Variants in SUV39H2 observed in about 807,000 individuals in gnomAD.
The protein encoded by SUV39H2 is SUV39H2 histone lysine methyltransferase.
A neutral mutation model predicts 47.5 loss-of-function variants in SUV39H2; 10 were observed. The observed-to-expected ratio is 0.21, with a 90% CI of 0.13 to 0.36. SUV39H2 has a LOEUF of 0.36. Among genes scored for constraint, SUV39H2 ranks in the 10% least tolerant of loss-of-function variants. The pLI, the probability that SUV39H2 is intolerant of heterozygous loss-of-function variation, is 1.00. For missense variants in SUV39H2, 266 were observed against 487.4 expected, an observed-to-expected ratio of 0.55 and a Z score of 4.28; for synonymous variants, 159 against 166.8, an observed-to-expected ratio of 0.95 and a Z score of 0.36.
intron 2 of SUV39H2, among the ~76,000 whole-genome samples, chr10:14,882,820 G>T (rs918158786): frequency 1.2e-4 from 18 of 151,014 alleles, no homozygotes; most frequent in African/African-American, 4.1e-4. Context: ...ACTTCCAGAG[G>T]TGTCACCATT....
intron 1 of SUV39H2, among the ~76,000 whole-genome samples, chr10:14,880,984 G>A (rs879382099): frequency 6.6e-6 from 1 of 151,990 alleles, no homozygotes; most frequent in East Asian, 1.9e-4. Flanking sequence ...GTTTGTAACC[G>A]TAGAAATATA....
intron 2 of SUV39H2, among the ~76,000 whole-genome samples, chr10:14,891,595 A>G (rs1176753818): frequency 5.3e-5 from 8 of 152,194 alleles, no homozygotes; most frequent in African/African-American, 7.2e-5. Context: ...AACTAACCCT[A>G]TAGAAATAGA....
In SUV39H2 at chr10:14,903,507, C is replaced by T. The variant is rs1834158454; in HGVS notation, c.*995C>T. 1 of 152,146 alleles carries T rather than the reference C, an allele frequency of 6.6e-6. No homozygotes were observed. The highest frequency in any genetic ancestry group is 2.1e-4 in the South Asian group (1 of 4,830). 9.4% of individuals were successfully genotyped at this position (152,146 alleles called of 1,614,324 possible). ...ATTTTTATACTTCCTGCAGGTTCTT[C>T]TTAAAAAGTAATCTATATTTTTGAA... On this transcript the variant is annotated 3_prime_UTR_variant, in exon 6 of 6. Transcript: ENST00000354919.
intron 1 of SUV39H2, 137 bp downstream of exon 1, chr10:14,879,056 G>A: frequency 1.5e-6 from 2 of 1,312,398 alleles, no homozygotes. Context: ...ACTCCGGGAC[G>A]CACGCTGCGG....
chr10:14,900,523 A>T (rs561337477), intron 4 of SUV39H2, among the ~76,000 whole-genome samples: 1 of 152,222 alleles, frequency 6.6e-6, no homozygotes, highest in African/African-American at 2.4e-5. Flanking sequence ...TTTTTTCTTA[A>T]TGATAAATTC....
At chr10:14,887,706 C>T (rs1034224369) in intron 2 of SUV39H2, among the ~76,000 whole-genome samples, 1 of 152,164 alleles carries the variant, frequency 6.6e-6, no homozygotes, top group Non-Finnish European at 1.5e-5. Flanking sequence ...TGAGCAATGA[C>T]TGATGTGAGG....
chr10:14,893,289 C>T (rs1172478980), intron 2 of SUV39H2, among the ~76,000 whole-genome samples: 1 of 152,070 alleles, frequency 6.6e-6, no homozygotes, highest in African/African-American at 2.4e-5. Context: ...AGGCGTGAGC[C>T]ACCGCGCCCG....
intron 3 of SUV39H2, chr10:14,898,141 C>G (rs900849282): frequency 1.6e-4 from 23 of 144,894 alleles, no homozygotes; most frequent in African/African-American, 5.9e-4. Flanking sequence ...ACATACTATT[C>G]TAAGCACTTG....
At chr10:14,880,418 C>T (rs1354831570) in intron 1 of SUV39H2, among the ~76,000 whole-genome samples, 2 of 152,186 alleles carry the variant, frequency 1.3e-5, no homozygotes, top group Non-Finnish European at 2.9e-5. Flanking sequence ...GGAGAGCTAC[C>T]AAGTAAAGCT....
chr10:14,879,049 C>G (rs1231103631), intron 1 of SUV39H2, 130 bp downstream of exon 1: 20 of 1,316,028 alleles, frequency 1.5e-5, no homozygotes, highest in Non-Finnish European at 1.9e-5. Flanking sequence ...GACCCCAACT[C>G]CGGGACGCAC....
intron 2 of SUV39H2, among the ~76,000 whole-genome samples, chr10:14,891,660 A>C (rs1371711117): frequency 6.6e-6 from 1 of 152,182 alleles, no homozygotes; most frequent in Non-Finnish European, 1.5e-5. Flanking sequence ...TGGATTGAGG[A>C]GAAGAAGGAA....
Position 14,881,577 on chromosome 10 carries a change from A to T in SUV39H2, c.109A>T (p.Ile37Phe), listed in dbSNP as rs753795876. The part of the protein sequence containing the change: ...CRKEKLTCKS[I>F]GITKRNLNNY... ...AAAAGAAAAGCTCACATGTAAATCGATTGGAATCACCAAAAGGAATCTAAA... is the reference window on the plus strand; with the variant it reads ...AAAAGAAAAGCTCACATGTAAATCGTTTGGAATCACCAAAAGGAATCTAAA... Residue 37 changes from isoleucine to phenylalanine, a missense_variant, in exon 2 of 6, where the codon ATT becomes TTT. Transcript: ENST00000354919. 12 of 1,605,674 alleles carry T rather than the reference A, an allele frequency of 7.5e-6. No individual in the cohort carries two copies. The highest frequency in any genetic ancestry group is 9.3e-6 in the Non-Finnish European group (11 of 1,177,548).
At chr10:14,882,736 C>A (rs1457882170) in intron 2 of SUV39H2, among the ~76,000 whole-genome samples, 1 of 152,144 alleles carries the variant, frequency 6.6e-6, no homozygotes, top group Non-Finnish European at 1.5e-5. Flanking sequence ...GACCTCCTAC[C>A]TCAATGAAAA....
chr10:14,900,404 T>A (rs1038825276), intron 4 of SUV39H2, among the ~76,000 whole-genome samples: 43 of 152,184 alleles, frequency 2.8e-4, no homozygotes, highest in African/African-American at 1.0e-3. Flanking sequence ...GCTGAACATA[T>A]AAAGGAAGTA....
At chr10:14,894,223 CTTT>C (rs753387560) in intron 2 of SUV39H2, among the ~76,000 whole-genome samples, 1 of 132,852 alleles carries the variant, frequency 7.5e-6, no homozygotes. Context: ...TACATCTAGG[CTTT>C]TTTTTTTTTT....
At chr10:14,894,173 T>G (rs925540141) in intron 2 of SUV39H2, among the ~76,000 whole-genome samples, 1 of 151,874 alleles carries the variant, frequency 6.6e-6, no homozygotes, top group African/African-American at 2.4e-5. Flanking sequence ...GAAGAAATCC[T>G]TAGGCTTTAG....
At chr10:14,888,960 G>A (rs772346255) in intron 2 of SUV39H2, among the ~76,000 whole-genome samples, 10 of 152,076 alleles carry the variant, frequency 6.6e-5, no homozygotes, top group Non-Finnish European at 1.3e-4. Context: ...AAAATTAGCC[G>A]GGCGTGGTGG....
chr10:14,879,904 C>T (rs1036278998), intron 1 of SUV39H2: 1 of 149,350 alleles, frequency 6.7e-6, no homozygotes, highest in Non-Finnish European at 1.5e-5. Flanking sequence ...CACGTGTTTG[C>T]AGTTTTTCAT....
In SUV39H2 at chr10:14,883,704, C is replaced by CAAAA. The variant is rs58522342; in HGVS notation, c.177+2084_177+2087dup. Among the ~76,000 whole-genome samples the CAAAA allele has an allele frequency of 7.4e-4, 37 of 50,054 alleles. 2 individuals carry two copies. The highest frequency in any genetic ancestry group is 2.3e-3 in the East Asian group (6 of 2,564). The allele number at this position is 50,054 out of a possible 152,430, so 32.8% of individuals were successfully genotyped here. A position where few individuals can be genotyped will look rare whatever the true frequency, so the allele number is the denominator to read the frequency against. On this transcript the variant is annotated intron_variant, in intron 2 of 5. Transcript: ENST00000354919. ...TGGGCAACAGAGCGAGACTCAGTCT[C>CAAAA]AAAAAAAAAAAAAAAAAAAAAAAAA...
Sources: gnomAD v4.1 joint callset for allele counts (sites outside exome capture counted in the v4.1 genomes callset) on GRCh38, gnomAD v4.1.1 for gene constraint, MANE v1.5 for transcripts, NCBI Gene and HGNC (gene_info 2026-07-23, HGNC 2026-07-21) for gene names.